Variants in KIF11 observed in about 807,000 individuals in gnomAD.
KIF11 encodes the protein kinesin family member 11.
KIF11 carries 9 observed loss-of-function variants against 121.0 expected under a neutral mutation model. That is an observed-to-expected ratio of 0.07 (90% CI 0.04 to 0.13). The LOEUF is 0.13. KIF11 is among the 10% of genes least tolerant of loss of function. KIF11 has a pLI of 1.00. For synonymous variants in KIF11, 408 were observed against 421.0 expected (o/e 0.97, Z 0.38); for missense variants, 846 against 1,217.5 (o/e 0.69, Z 4.54).
intron 20 of KIF11, 43 bp from the exon 21 acceptor site, chr10:92,650,348 GTGATGACTTT>G (rs1844967570): frequency 1.9e-5 from 19 of 1,002,494 alleles, no homozygotes; most frequent in Non-Finnish European, 3.0e-5. Flanking sequence ...TGTTACTCTT[GTGATGACTTT>G]TAAGCCCTTG....
intron 19 of KIF11, 49 bp from the exon 20 acceptor site, chr10:92,649,786 T>G: frequency 7.6e-7 from 1 of 1,324,460 alleles, no homozygotes; most frequent in Non-Finnish European, 1.0e-6. Context: ...TTTAAAAATA[T>G]TTACATCTCA....
intron 12 of KIF11, 64 bp downstream of exon 12, chr10:92,630,428 G>C: frequency 1.1e-6 from 1 of 948,908 alleles, no homozygotes; most frequent in Non-Finnish European, 1.5e-6. Context: ...AATTTTCTGT[G>C]CTTAAGCATT....
intron 12 of KIF11, among the ~76,000 whole-genome samples, chr10:92,631,552 G>A (rs947847532): frequency 3.4e-5 from 5 of 148,844 alleles, no homozygotes; most frequent in African/African-American, 7.4e-5. Context: ...TAGTAGAGAC[G>A]GGGTTTCACC....
At position 92,613,694 on chromosome 10, in the gene KIF11, A is replaced by G. The variant is rs1844519570; in HGVS notation, c.1032+75A>G. 2.9e-6 allele frequency: 4 copies of G among 1,373,492 alleles called. No homozygotes were observed. The highest frequency in any genetic ancestry group is 2.9e-5 in the African/African-American group (2 of 68,434). 85.1% of individuals were successfully genotyped at this position (1,373,492 alleles called of 1,614,324 possible). On this transcript the variant is annotated intron_variant, in intron 8 of 21. Coordinates refer to ENST00000260731, the MANE Select transcript of KIF11 (RefSeq NM_004523.4). This position sits in a 1 kb window ranked among gnomAD's most constrained non-coding sequence, Gnocchi z 4.2. Reference sequence around the variant, plus strand: ...TGGCTATTATATATTTTAAAAGTTCATTTACTAGGATGGACACAGTGACTC... The same window carrying G: ...TGGCTATTATATATTTTAAAAGTTCGTTTACTAGGATGGACACAGTGACTC...
At chr10:92,602,823 CACGT>C (rs1355839679) in intron 1 of KIF11, among the ~76,000 whole-genome samples, 97 of 121,112 alleles carry the variant, frequency 8.0e-4, no homozygotes, top group East Asian at 6.6e-3. Context: ...CACACACACA[CACGT>C]GTGTGTGTGT....
At chr10:92,606,596 T>TC (rs1400129597) in intron 2 of KIF11, 23 bp from the exon 3 acceptor site, 1 of 1,414,230 alleles carries the variant, frequency 7.1e-7, no homozygotes, top group African/African-American at 1.4e-5. Flanking sequence ...GTTGATTTTT[T>TC]TTTTTTTAAT....
chr10:92,614,342 C>T, intron 8 of KIF11, among the ~76,000 whole-genome samples: 1 of 152,104 alleles, frequency 6.6e-6, no homozygotes, highest in Non-Finnish European at 1.5e-5. Flanking sequence ...GGTGAGCCGC[C>T]CGCCTTTGTC....
intron 18 of KIF11, 57 bp from the exon 19 acceptor site, chr10:92,648,155 A>C: frequency 8.4e-7 from 1 of 1,189,596 alleles, no homozygotes; most frequent in South Asian, 1.5e-5. Context: ...TATGATGTTG[A>C]ATAAAACACT....
Position 92,637,285 on chromosome 10 carries a change from G to A in KIF11, c.1977G>A (p.Lys659=). The change falls in exon 15 of 22, where the codon AAG becomes AAA. Residue 659 remains lysine, a synonymous_variant. Transcript: ENST00000260731. ...KINSQLKHIF[K]TSLTVADKIE... ...ATAGTCAACTAAAGCATATTTTCAA[G>A]ACTTCATTGACAGTGGCCGATAAGG... The A allele has an allele frequency of 6.3e-7, 1 of 1,591,472 alleles. No individual in the cohort carries two copies. Among genetic ancestry groups the A allele is most frequent in the Admixed American group, 2.0e-5 (1 of 51,198 alleles).
chr10:92,640,472 C>T (rs1844852870), intron 17 of KIF11, among the ~76,000 whole-genome samples: 1 of 152,228 alleles, frequency 6.6e-6, no homozygotes, highest in African/African-American at 2.4e-5. Context: ...TGCTCTGTCA[C>T]CCAGGCTGGA....
intron 6 of KIF11, among the ~76,000 whole-genome samples, chr10:92,612,798 T>C (rs1264326541): frequency 2.0e-5 from 3 of 152,196 alleles, no homozygotes; most frequent in Non-Finnish European, 4.4e-5. Context: ...GCCTCAGGAT[T>C]CTAAGTCTTT....
At chr10:92,604,981 T>C (rs1167131251) in intron 1 of KIF11, among the ~76,000 whole-genome samples, 1 of 152,046 alleles carries the variant, frequency 6.6e-6, no homozygotes, top group Non-Finnish European at 1.5e-5. Flanking sequence ...AGTATTTCTT[T>C]CTGTAGTGAT....
intron 17 of KIF11, among the ~76,000 whole-genome samples, chr10:92,640,623 G>C (rs998184268): frequency 6.6e-6 from 1 of 151,876 alleles, no homozygotes; most frequent in African/African-American, 2.4e-5. Context: ...AGTAGAGAGG[G>C]GTTTCACCAT....
At chr10:92,610,909 A>G (rs1279421460) in intron 6 of KIF11, among the ~76,000 whole-genome samples, 1 of 152,202 alleles carries the variant, frequency 6.6e-6, no homozygotes, top group African/African-American at 2.4e-5. Context: ...AATAAAATGG[A>G]AATTTTATTC....
At chr10:92,615,715 T>C (rs1844547640) in intron 8 of KIF11, among the ~76,000 whole-genome samples, 1 of 152,154 alleles carries the variant, frequency 6.6e-6, no homozygotes, top group Admixed American at 6.6e-5. Context: ...ACGTAATAGG[T>C]AGTTTTTTGT....
At position 92,613,360 on chromosome 10, in the gene KIF11, T is replaced by G. The variant is rs755355129; in HGVS notation, c.790-17T>G. ...ATCCAATAGACTCACTTTTTATTTT[T>G]ATTTTTAAAATTAAAGGTTGATCTT... On this transcript the variant is annotated splice_polypyrimidine_tract_variant and intron_variant, in intron 7 of 21. Transcript: ENST00000260731. This position sits in a 1 kb window ranked among gnomAD's most constrained non-coding sequence, Gnocchi z 4.2. The G allele has an allele frequency of 5.2e-6, 8 of 1,539,556 alleles. No homozygotes were observed. The highest frequency in any genetic ancestry group is 7.0e-6 in the Non-Finnish European group (8 of 1,137,474).
intron 1 of KIF11, chr10:92,596,781 C>CA (rs1435461414): frequency 1.3e-5 from 2 of 152,998 alleles, no homozygotes; most frequent in Non-Finnish European, 2.9e-5. Context: ...ACATAAACGG[C>CA]AAAAATTTTT....
At chr10:92,616,628 A>C in intron 8 of KIF11, 109 bp from the exon 9 acceptor site, 1 of 561,284 alleles carries the variant, frequency 1.8e-6, no homozygotes, top group South Asian at 2.5e-5. Flanking sequence ...TTAAAATTAG[A>C]TATAACTATA....
intron 18 of KIF11, among the ~76,000 whole-genome samples, chr10:92,646,198 C>T (rs546421624): frequency 2.0e-5 from 3 of 152,140 alleles, no homozygotes; most frequent in South Asian, 2.1e-4. Context: ...ATGATCCACC[C>T]GCCTCGGCCT....
Sources: allele counts gnomAD v4.1 joint callset (sites outside exome capture counted in the v4.1 genomes callset), GRCh38; gene constraint gnomAD v4.1.1; non-coding constraint Gnocchi (gnomAD v3.1); transcripts MANE v1.5; gene names NCBI Gene and HGNC (gene_info 2026-07-23, HGNC 2026-07-21).